Variants in MAD2L2 observed in about 807,000 individuals in gnomAD.
MAD2L2 encodes the protein mitotic arrest deficient 2 like 2.
In MAD2L2, 17 loss-of-function variants were observed where a neutral mutation model predicts 30.5. The ratio of observed to expected loss-of-function variants is 0.56; its 90% CI spans 0.38 to 0.84. The LOEUF is 0.84. Among genes scored for constraint, MAD2L2 ranks in the 40% least tolerant of loss-of-function variants. The pLI is 0.00. For missense variants in MAD2L2, 213 were observed against 277.4 expected (o/e 0.77, Z 1.65); for synonymous variants, 101 against 113.9 (o/e 0.89, Z 0.72).
intron 1 of MAD2L2, among the ~76,000 whole-genome samples, chr1:11,686,807 T>A (rs889743057): frequency 9.6e-6 from 1 of 104,488 alleles, no homozygotes; most frequent in Non-Finnish European, 1.9e-5. Flanking sequence ...ACTGCCACTT[T>A]AAAAAAAAAA....
In MAD2L2 at chr1:11,676,720, C is replaced by T. The variant is rs1640775358; in HGVS notation, c.332+128G>A. 1.1e-5 allele frequency: 8 copies of T among 731,890 alleles called. No individual in the cohort carries two copies. The Admixed American group carries it at 1.7e-4, about 16-fold the overall frequency. The allele number at this position is 731,890 out of a possible 1,614,324, so 45.3% of individuals were successfully genotyped here. ...GCTCACAGGCTGTCCCCTTGTCATG[C>T]TGGTGCTTCTTGCCCTTTCTCCTCC... On this transcript the variant is annotated intron_variant, in intron 5 of 8. Transcript: ENST00000376692.
In MAD2L2 at chr1:11,688,127, C is replaced by T. The variant is rs138973889; in HGVS notation, c.-692+3286G>A. Among the ~76,000 whole-genome samples, 414 of 152,318 alleles carry T rather than the reference C, an allele frequency of 2.7e-3. 3 individuals carry two copies. The highest frequency in any genetic ancestry group is 6.8e-3 in the Middle Eastern group (2 of 294). On this transcript the variant is annotated intron_variant, in intron 1 of 10. Transcript: ENST00000235310. The surrounding 1 kb of genome is among the most constrained non-coding windows in gnomAD (Gnocchi z 4.6). ...ATGAATACTGGCCCACAGCTCTATC[C>T]TTGGCGACGCAAATCATGCTGGCTG...
chr1:11,691,720 A>AGCCCGGGCACATCCTCCGGCT (rs1341013987), upstream of MAD2L2: 1 of 126,606 alleles, frequency 7.9e-6, no homozygotes, highest in African/African-American at 3.0e-5. Flanking sequence ...AGTCCCGCTC[A>AGCCCGGGCACATCCTCCGGCT]GCCCGGGCAC....
Position 11,676,881 on chromosome 1 carries a change from A to G in MAD2L2, c.299T>C (p.Phe100Ser). 3 of 1,614,100 alleles carry G rather than the reference A, an allele frequency of 1.9e-6. No homozygotes were observed. Among genetic ancestry groups the G allele is most frequent in the Non-Finnish European group, 2.5e-6 (3 of 1,179,988 alleles). ...CAGCAGTGGAGGCTGGGTGATCTCA[A>G]AGACGAATTTCTCCACTGGGCGGTG... ...KEHRPVEKFV[F>S]EITQPPLLSI... Residue 100 changes from phenylalanine to serine, a missense_variant, in exon 5 of 9, where the codon TTT becomes TCT. Physicochemically the swap from Phe to Ser is radical, Grantham distance 155 (BLOSUM62 -2). Transcript: ENST00000376692.
chr1:11,674,908 C>T lies in MAD2L2; in HGVS notation c.595-92G>A, dbSNP rs1640730780. ...AAGCCCCTGGTGGGCAGACCTCCAC[C>T]ACAGGTGGGGCCTCGTGGCCATAGC... is the stretch of plus-strand genomic sequence containing the variant. On this transcript the variant is annotated intron_variant, in intron 8 of 8. Coordinates refer to ENST00000376692, the MANE Select transcript of MAD2L2 (RefSeq NM_006341.4). This position sits in a 1 kb window ranked among gnomAD's most constrained non-coding sequence, Gnocchi z 6.1. The T allele has an allele frequency of 6.7e-7, 1 of 1,489,700 alleles. No homozygotes were observed. Among genetic ancestry groups the T allele is most frequent in the Non-Finnish European group, 9.3e-7 (1 of 1,069,646 alleles). The allele number at this position is 1,489,700 out of a possible 1,614,324, so 92.3% of individuals were successfully genotyped here.
chr1:11,686,557 C>T (rs1032141507), intron 1 of MAD2L2, among the ~76,000 whole-genome samples: 2 of 152,216 alleles, frequency 1.3e-5, no homozygotes, highest in Admixed American at 6.5e-5. Context: ...TAAGCCACCG[C>T]GCCTAGCTAA....
chr1:11,676,809 C>G, intron 5 of MAD2L2, 39 bp downstream of exon 5: 1 of 1,535,776 alleles, frequency 6.5e-7, no homozygotes, highest in Non-Finnish European at 9.0e-7. Flanking sequence ...AGAGACACAC[C>G]TGATGCCAGC....
intron 1 of MAD2L2, among the ~76,000 whole-genome samples, chr1:11,689,190 G>T (rs2100722241): frequency 6.6e-6 from 1 of 151,908 alleles, no homozygotes; most frequent in East Asian, 1.9e-4. Flanking sequence ...CCAGCTAACT[G>T]GGAGGCTGAG....
intron 1 of MAD2L2, among the ~76,000 whole-genome samples, chr1:11,689,689 C>G (rs1388717629): frequency 6.6e-6 from 1 of 152,192 alleles, no homozygotes; most frequent in Admixed American, 6.5e-5. Context: ...AATGGGCAAC[C>G]AGCAACCCTT....
In MAD2L2 at chr1:11,674,506, T is replaced by C. The variant is rs1363420306; in HGVS notation, c.*269A>G. 4.9e-6 allele frequency: 2 copies of C among 404,354 alleles called. No individual in the cohort carries two copies. Among genetic ancestry groups the C allele is most frequent in the Non-Finnish European group, 9.0e-6 (2 of 221,114 alleles). 25.0% of individuals were successfully genotyped at this position (404,354 alleles called of 1,614,324 possible). A position where few individuals can be genotyped will look rare whatever the true frequency, so the allele number is the denominator to read the frequency against. On this transcript the variant is annotated 3_prime_UTR_variant, in exon 9 of 9. Transcript: ENST00000376692. The surrounding 1 kb of genome is among the most constrained non-coding windows in gnomAD (Gnocchi z 6.1). ...CAGCCCAGCCCTTGGGGCCCCTTTA[T>C]TGAAACAACTCACAGCACAGTATTT...
chr1:11,680,253 CCCAAAGTG>C, intron 3 of MAD2L2, 92 bp downstream of exon 3: 1 of 1,004,092 alleles, frequency 1.0e-6, no homozygotes, highest in Non-Finnish European at 1.5e-6. Context: ...GCCTCGGCCT[CCCAAAGTG>C]CTAGGATTAC....
Position 11,687,158 on chromosome 1 carries a change from T to C in MAD2L2, c.-692+4255A>G, listed in dbSNP as rs773054982. On this transcript the variant is annotated intron_variant, in intron 1 of 10. Transcript: ENST00000235310. The surrounding 1 kb of genome is among the most constrained non-coding windows in gnomAD (Gnocchi z 4.1). Reference sequence around the variant, plus strand: ...ACAGCTCACTGAAGCCTCAACCTCCTGGGCTCAAGCGATCCTCCCACCTCA... The same window carrying C: ...ACAGCTCACTGAAGCCTCAACCTCCCGGGCTCAAGCGATCCTCCCACCTCA... Among the ~76,000 whole-genome samples, 7 of 152,166 alleles carry C rather than the reference T, an allele frequency of 4.6e-5. No homozygotes were observed. The highest frequency in any genetic ancestry group is 8.8e-5 in the Non-Finnish European group (6 of 68,018).
In MAD2L2 at chr1:11,677,610, G is replaced by A. The variant is rs1640793683; in HGVS notation, c.164C>T (p.Ser55Phe). 6.2e-7 allele frequency: 1 copy of A among 1,612,716 alleles called. No homozygotes were observed. The highest frequency in any genetic ancestry group is 8.5e-7 in the Non-Finnish European group (1 of 1,179,900). ...RKKYNVPVQM[S>F]CHPELNQYIQ... ...ATACTGATTCAGCTCCGGGTGGCAGGACATCTGCACACAATACCATGCGGC... is the reference window on the plus strand; with the variant it reads ...ATACTGATTCAGCTCCGGGTGGCAGAACATCTGCACACAATACCATGCGGC... The change falls in exon 4 of 9, where the codon TCC (serine) becomes TTC (phenylalanine). Residue 55 changes from serine to phenylalanine, a missense_variant. Coordinates refer to ENST00000376692, the MANE Select transcript of MAD2L2 (RefSeq NM_006341.4).
In MAD2L2 at chr1:11,674,555, G is replaced by C; in HGVS notation, c.*220C>G. ...TTGAGACAGACAGTGTTGGCCGGCG[G>C]AACCCCAGGAGGCTGAGAAGTCGAG... is the stretch of plus-strand genomic sequence containing the variant. On this transcript the variant is annotated 3_prime_UTR_variant, in exon 9 of 9. Coordinates refer to ENST00000376692, the MANE Select transcript of MAD2L2 (RefSeq NM_006341.4). The surrounding 1 kb of genome is among the most constrained non-coding windows in gnomAD (Gnocchi z 6.1). 1.8e-6 allele frequency: 1 copy of C among 565,250 alleles called. No individual in the cohort carries two copies. The highest frequency in any genetic ancestry group is 3.2e-6 in the Non-Finnish European group (1 of 314,970). The allele number at this position is 565,250 out of a possible 1,614,324, so 35.0% of individuals were successfully genotyped here.
chr1:11,675,637 C>G, intron 7 of MAD2L2, 21 bp downstream of exon 7: 1 of 1,612,962 alleles, frequency 6.2e-7, no homozygotes. Flanking sequence ...TGCGCCCAGA[C>G]CCAGACCCAT....
At chr1:11,689,618 G>C in intron 1 of MAD2L2, among the ~76,000 whole-genome samples, 1 of 152,182 alleles carries the variant, frequency 6.6e-6, no homozygotes, top group South Asian at 2.1e-4. Context: ...AAGGCGGGGG[G>C]AGGGGAGAAG....
chr1:11,675,669 G>C lies in MAD2L2; in HGVS notation c.490C>G (p.Gln164Glu). 1 of 1,614,056 alleles carries C rather than the reference G, an allele frequency of 6.2e-7. No homozygotes were observed. The change falls in exon 7 of 9, where the codon CAG (glutamine) becomes GAG (glutamate). Residue 164 changes from glutamine (Q) to glutamate (E), a missense_variant. Coordinates refer to ENST00000376692, the MANE Select transcript of MAD2L2 (RefSeq NM_006341.4). ...EAATRNMEKI[Q>E]VIKDFPWILA... is the part of the protein sequence containing the mutation. ...CCATCTCATCTCACCTTGATGACCT[G>C]GATCTTCTCCATGTTGCGAGTGGCG...
At chr1:11,681,705 C>T (rs897352233), upstream of MAD2L2, 1 of 152,314 alleles carries the variant, frequency 6.6e-6, no homozygotes, top group Non-Finnish European at 1.5e-5. Flanking sequence ...AGGATGAACC[C>T]TCCCCGCCCT....
chr1:11,680,920 G>A (rs1640863875), intron 1 of MAD2L2, 119 bp downstream of exon 1: 3 of 462,914 alleles, frequency 6.5e-6, no homozygotes, highest in Non-Finnish European at 9.5e-6. Flanking sequence ...GGATGCCCAG[G>A]GCCGGGAGCG....
Sources: allele counts gnomAD v4.1 joint callset (sites outside exome capture counted in the v4.1 genomes callset), GRCh38; gene constraint gnomAD v4.1.1; non-coding constraint Gnocchi (gnomAD v3.1); transcripts MANE v1.5; gene names NCBI Gene and HGNC (gene_info 2026-07-23, HGNC 2026-07-21).